Variants in RAD51B observed in about 807,000 individuals in gnomAD.
RAD51B encodes DNA repair protein RAD51 homolog 2.
In RAD51B, 38 loss-of-function variants were observed where a neutral mutation model predicts 42.2. The ratio of observed to expected loss-of-function variants is 0.90; its 90% CI spans 0.70 to 1.18. RAD51B has a LOEUF of 1.18. Among genes scored for constraint, RAD51B ranks in the 50% most tolerant of loss-of-function variants. The pLI is 0.00. For synonymous variants in RAD51B, 154 were observed against 145.2 expected (o/e 1.06, Z -0.43); for missense variants, 373 against 400.7 (o/e 0.93, Z 0.59).
intron 7 of RAD51B, among the ~76,000 whole-genome samples, chr14:67,890,285 G>T (rs2043178730): frequency 6.6e-6 from 1 of 151,860 alleles, no homozygotes; most frequent in African/African-American, 2.4e-5. Flanking sequence ...AGATGACAAT[G>T]AATCCGAAAA....
At chr14:68,427,077 G>A (rs531200203) in intron 9 of RAD51B, among the ~76,000 whole-genome samples, 1 of 152,368 alleles carries the variant, frequency 6.6e-6, no homozygotes, top group East Asian at 1.9e-4. Context: ...AATTCTGCAG[G>A]CATGCAGAAT....
At chr14:68,004,118 C>T (rs1055592501) in intron 7 of RAD51B, among the ~76,000 whole-genome samples, 1 of 151,978 alleles carries the variant, frequency 6.6e-6, no homozygotes, top group South Asian at 2.1e-4. Flanking sequence ...ATCACAAGGT[C>T]TGGAGATCAA....
chr14:68,506,218 G>A (rs1447504177), intron 10 of RAD51B, among the ~76,000 whole-genome samples: 1 of 152,166 alleles, frequency 6.6e-6, no homozygotes, highest in African/African-American at 2.4e-5. Context: ...CTCCCAGCCA[G>A]GTTTCAGACA....
At chr14:68,500,063 C>T (rs1045668396) in intron 10 of RAD51B, among the ~76,000 whole-genome samples, 1 of 152,140 alleles carries the variant, frequency 6.6e-6, no homozygotes, top group African/African-American at 2.4e-5. Context: ...CTTTCCTAAA[C>T]GTTGTGCTGT....
intron 7 of RAD51B, among the ~76,000 whole-genome samples, chr14:68,033,788 A>G (rs2076081625): frequency 6.6e-6 from 1 of 152,204 alleles, no homozygotes; most frequent in African/African-American, 2.4e-5. Flanking sequence ...CCATTGAGCC[A>G]AAGTAGGCTA....
At chr14:68,470,513 C>G in intron 10 of RAD51B, 2 of 489,382 alleles carry the variant, frequency 4.1e-6, no homozygotes, top group Non-Finnish European at 8.1e-6. Flanking sequence ...CTGGGCCTTG[C>G]TTTTGTCAGC....
At chr14:68,305,005 G>C (rs2081830487) in intron 8 of RAD51B, among the ~76,000 whole-genome samples, 1 of 152,098 alleles carries the variant, frequency 6.6e-6, no homozygotes, top group Non-Finnish European at 1.5e-5. Context: ...CCAAAGTATG[G>C]AAAATTGCTG....
intron 7 of RAD51B, among the ~76,000 whole-genome samples, chr14:68,270,292 G>A (rs192816781): frequency 7.9e-4 from 120 of 152,340 alleles, no homozygotes; most frequent in South Asian, 4.1e-4. Flanking sequence ...GCCATTCATA[G>A]AGGAGGCAAA....
downstream of RAD51B, among the ~76,000 whole-genome samples, chr14:68,482,405 C>T (rs1374801569): frequency 6.6e-6 from 1 of 152,116 alleles, no homozygotes; most frequent in Middle Eastern, 3.2e-3. Flanking sequence ...AGCAAAATGA[C>T]TGCTCAGAGA....
At chr14:68,351,018 A>C (rs981895496) in intron 8 of RAD51B, among the ~76,000 whole-genome samples, 1 of 152,196 alleles carries the variant, frequency 6.6e-6, no homozygotes, top group Admixed American at 6.5e-5. Flanking sequence ...AGCTCCACTG[A>C]ATTCACTTCT....
chr14:67,967,964 C>T (rs1316224525), intron 7 of RAD51B, among the ~76,000 whole-genome samples: 3 of 152,228 alleles, frequency 2.0e-5, no homozygotes, highest in Admixed American at 1.3e-4. Flanking sequence ...CAAACTTTTG[C>T]CTGGGCATCC....
intron 7 of RAD51B, among the ~76,000 whole-genome samples, chr14:68,146,988 G>A (rs1337083579): frequency 1.3e-5 from 2 of 152,018 alleles, no homozygotes; most frequent in Non-Finnish European, 2.9e-5. Flanking sequence ...CTGTATTTTG[G>A]GTTCATCCAG....
chr14:68,197,655 C>CT (rs1211595643), intron 7 of RAD51B, among the ~76,000 whole-genome samples: 2 of 152,034 alleles, frequency 1.3e-5, no homozygotes, highest in African/African-American at 4.8e-5. Context: ...TCACTAAGAG[C>CT]TTTTTTCTTT....
chr14:68,398,924 G>A (rs2084005054), intron 8 of RAD51B, among the ~76,000 whole-genome samples: 1 of 152,102 alleles, frequency 6.6e-6, no homozygotes, highest in African/African-American at 2.4e-5. Context: ...CATATATTAG[G>A]ATCATCTGAG....
intron 3 of RAD51B, among the ~76,000 whole-genome samples, chr14:67,831,340 G>A (rs1160251487): frequency 6.6e-6 from 1 of 152,158 alleles, no homozygotes; most frequent in East Asian, 1.9e-4. Context: ...CCTATAAAGT[G>A]CATACAGTAA....
chr14:68,125,435 G>C lies in RAD51B; in HGVS notation c.757-166449G>C, dbSNP rs190167715. ...CTGCAATGGAAAAGCACACGCAGTC[G>C]TTCATAAGTAGCTGGCTGTGTAATT... is the stretch of plus-strand genomic sequence containing the variant. On this transcript the variant is annotated intron_variant, in intron 7 of 10. Coordinates refer to ENST00000471583, the MANE Select transcript of RAD51B (RefSeq NM_133510.4). 6 of 152,304 alleles carry C rather than the reference G, an allele frequency of 3.9e-5. No homozygotes were observed. In the East Asian group the frequency reaches 1.2e-3, roughly 29 times the overall value. 9.4% of individuals were successfully genotyped at this position (152,304 alleles called of 1,614,324 possible). A position where few individuals can be genotyped will look rare whatever the true frequency, so the allele number is the denominator to read the frequency against.
intron 11 of RAD51B, among the ~76,000 whole-genome samples, chr14:68,674,154 C>T (rs1893252915): frequency 6.7e-6 from 1 of 149,284 alleles, no homozygotes; most frequent in African/African-American, 2.5e-5. Context: ...ATACTGTACA[C>T]ACATATATAC....
In RAD51B at chr14:68,078,320, ATTTC is replaced by A. The variant is rs559827661; in HGVS notation, c.756+191120_756+191123del. 4.0e-3 allele frequency among the ~76,000 whole-genome samples: 612 copies of A among 152,202 alleles called. 6 individuals carry two copies. The highest frequency in any genetic ancestry group is 0.014 in the African/African-American group (588 of 41,536). ...TGCACCACTGTGCCTGGCCAAGAATATTTCTTTGTTTCCTGTTTCTGTGTTTAAG... is the reference window on the plus strand; with the variant it reads ...TGCACCACTGTGCCTGGCCAAGAATATTTGTTTCCTGTTTCTGTGTTTAAG... On this transcript the variant is annotated intron_variant, in intron 7 of 10. Transcript: ENST00000471583.
At chr14:67,998,142 C>CT (rs2075417842) in intron 7 of RAD51B, among the ~76,000 whole-genome samples, 1 of 152,166 alleles carries the variant, frequency 6.6e-6, no homozygotes, top group Non-Finnish European at 1.5e-5. Flanking sequence ...TAATACATCT[C>CT]TAAGTTATTG....
Sources: gnomAD v4.1 joint callset for allele counts (sites outside exome capture counted in the v4.1 genomes callset) on GRCh38, gnomAD v4.1.1 for gene constraint, MANE v1.5 for transcripts, NCBI Gene and HGNC (gene_info 2026-07-23, HGNC 2026-07-21) for gene names.